Variants in DLX3 observed in about 807,000 individuals in gnomAD.
The protein encoded by DLX3 is distal-less homeobox 3, also known as homeobox protein DLX-3.
In DLX3, 9 loss-of-function variants were observed where a neutral mutation model predicts 28.0. The ratio of observed to expected loss-of-function variants is 0.32; its 90% CI spans 0.19 to 0.56. The LOEUF is 0.56. Among genes scored for constraint, DLX3 ranks in the 20% least tolerant of loss-of-function variants. The pLI, the probability that DLX3 is intolerant of heterozygous loss-of-function variation, is 0.91. For synonymous variants in DLX3, 154 were observed against 167.9 expected, an observed-to-expected ratio of 0.92 and a Z score of 0.64; for missense variants, 313 against 378.2, an observed-to-expected ratio of 0.83 and a Z score of 1.43.
Position 49,995,163 on chromosome 17 carries a change from T to G in DLX3, c.-165A>C. 1 of 828,594 alleles carries G rather than the reference T, an allele frequency of 1.2e-6. No individual in the cohort carries two copies. Among genetic ancestry groups the G allele is most frequent in the Non-Finnish European group, 1.9e-6 (1 of 517,846 alleles). The allele number at this position is 828,594 out of a possible 1,614,324, so 51.3% of individuals were successfully genotyped here. ...GGGAGGCCGAGAGGCGCTTACACCA[T>G]TGCCTGCCGTCAGGCGGTCGCTGCG... On this transcript the variant is annotated 5_prime_UTR_variant, in exon 1 of 3. An upstream start codon of the reference 5' UTR is lost. Coordinates refer to ENST00000434704, the MANE Select transcript of DLX3 (RefSeq NM_005220.3).
chr17:49,991,842 C>T lies in DLX3; in HGVS notation c.539G>A (p.Arg180His), dbSNP rs762788082. The T allele has an allele frequency of 2.4e-5, 39 of 1,613,830 alleles. No individual in the cohort carries two copies. Among genetic ancestry groups the T allele is most frequent in the South Asian group, 1.5e-4 (14 of 91,072 alleles). ...GTAGAGTTTCTTGAACTTGGAACGG[C>T]GGTTCTGGAACCAGATTTTCACCTG... ...QTQVKIWFQN[R>H]RSKFKKLYKN... is the part of the protein sequence containing the mutation. The change falls in exon 3 of 3, where the codon CGC (arginine) becomes CAC (histidine). Residue 180 changes from arginine (R) to histidine (H), a missense_variant. Arg to His is a conservative substitution (Grantham distance 29). Transcript: ENST00000434704.
At chr17:49,993,928 A>C (rs1000962689) in intron 1 of DLX3, among the ~76,000 whole-genome samples, 19 of 151,886 alleles carry the variant, frequency 1.3e-4, no homozygotes, top group African/African-American at 4.6e-4. Context: ...CCCGGCTGCT[A>C]GCCGCCCCCT....
rs777991740 is a variant in DLX3 at position 49,994,703 on chromosome 17, C to T, written c.296G>A (p.Arg99Gln). The T allele has an allele frequency of 6.2e-6, 10 of 1,613,926 alleles. No homozygotes were observed. Among genetic ancestry groups the T allele is most frequent in the Middle Eastern group, 1.6e-4 (1 of 6,084 alleles). The change falls in exon 1 of 3, where the codon CGG becomes CAG. Residue 99 changes from arginine to glutamine, a missense_variant. Around this residue, in one of 3 missense-constraint regions of DLX3, gnomAD observed 183 missense variants for 197.7 expected, o/e 0.93. Coordinates refer to ENST00000434704, the MANE Select transcript of DLX3 (RefSeq NM_005220.3). Reference protein sequence around the residue: ...GASYRQYGAYREQPLPAQDPV... With the variant: ...GASYRQYGAYQEQPLPAQDPV... ...GTCCTGGGCTGGCAGCGGCTGCTCC[C>T]GATACGCCCCGTATTGCCGGTAGGA...
chr17:49,993,237 A>G (rs1021135431), intron 2 of DLX3, among the ~76,000 whole-genome samples, 163 bp downstream of exon 2: 1 of 152,190 alleles, frequency 6.6e-6, no homozygotes, highest in Non-Finnish European at 1.5e-5. Context: ...TACACGTGCT[A>G]ACGCAGAACC....
chr17:49,991,957 C>T, intron 2 of DLX3, 93 bp from the exon 3 acceptor site: 1 of 1,260,060 alleles, frequency 7.9e-7, no homozygotes, highest in Non-Finnish European at 1.1e-6. Context: ...AAGGCCAGAA[C>T]CCAATTTCAC....
rs3744540 is a variant in DLX3, at chr17:49,991,457, C to T, written c.*60G>A. ...CTCGATGATTCCTGAGTGGCTAGGACGGAGGCGCCTTCTGCCTGGTCCTGG... is the reference window on the plus strand; with the variant it reads ...CTCGATGATTCCTGAGTGGCTAGGATGGAGGCGCCTTCTGCCTGGTCCTGG... On this transcript the variant is annotated 3_prime_UTR_variant, in exon 3 of 3. Transcript: ENST00000434704. 2.7e-4 allele frequency: 383 copies of T among 1,423,588 alleles called. 2 individuals carry two copies. In the East Asian group the frequency reaches 5.9e-3, roughly 22 times the overall value. The allele number at this position is 1,423,588 out of a possible 1,614,324, so 88.2% of individuals were successfully genotyped here.
At chr17:49,994,639 G>A (rs1001296669) in intron 1 of DLX3, 35 bp downstream of exon 1, 3 of 1,611,794 alleles carry the variant, frequency 1.9e-6, no homozygotes, top group Admixed American at 3.3e-5. Context: ...ACCTTCCAGT[G>A]TCTCCCACTG....
intron 1 of DLX3, 79 bp from the exon 2 acceptor site, chr17:49,993,669 G>A: frequency 2.6e-6 from 4 of 1,511,066 alleles, no homozygotes; most frequent in South Asian, 2.4e-5. Context: ...GGGCCCCGCC[G>A]GACGCCCCTC....
In DLX3 at chr17:49,994,756, C is replaced by G. The variant is rs1906218403; in HGVS notation, c.243G>C (p.Ser81=). ...CTCCGTAGGTATATTCCGACTTGGGCGAGTAAGCGCCCGTGCCTGCAAGCC... is the reference window on the plus strand; with the variant it reads ...CTCCGTAGGTATATTCCGACTTGGGGGAGTAAGCGCCCGTGCCTGCAAGCC... ...LNGLAGTGAY[S]PKSEYTYGAS... Residue 81 remains serine (S), a synonymous_variant, in exon 1 of 3, where the codon TCG becomes TCC. Coordinates refer to ENST00000434704, the MANE Select transcript of DLX3 (RefSeq NM_005220.3). The G allele has an allele frequency of 6.2e-7, 1 of 1,614,048 alleles. No individual in the cohort carries two copies. The highest frequency in any genetic ancestry group is 8.5e-7 in the Non-Finnish European group (1 of 1,180,036).
chr17:49,993,289 C>T (rs1906156861), intron 2 of DLX3, 111 bp downstream of exon 2: 1 of 1,190,678 alleles, frequency 8.4e-7, no homozygotes, highest in African/African-American at 1.5e-5. Flanking sequence ...ATCCCAAAGG[C>T]AAGAGTTCCA....
intron 2 of DLX3, 106 bp from the exon 3 acceptor site, chr17:49,991,970 A>G (rs986001452): frequency 6.9e-6 from 8 of 1,152,166 alleles, no homozygotes; most frequent in Non-Finnish European, 1.0e-5. Context: ...AATTTCACAT[A>G]AGAATCAGGC....
At position 49,994,658 on chromosome 17, in the gene DLX3, A is replaced by G. The variant is rs1906214508; in HGVS notation, c.325+16T>C. On this transcript the variant is annotated intron_variant, in intron 1 of 2. Coordinates refer to ENST00000434704, the MANE Select transcript of DLX3 (RefSeq NM_005220.3). The stretch of plus-strand genomic sequence containing the variant: ...TCCAGTGTCTCCCACTGTCCTCGCG[A>G]CCCCGTGGCCCTCACCTGGGTCCTG... 1 of 1,612,662 alleles carries G rather than the reference A, an allele frequency of 6.2e-7. No individual in the cohort carries two copies. The highest frequency in any genetic ancestry group is 1.7e-5 in the Admixed American group (1 of 59,910).
rs1161348847 is a variant in DLX3 at position 49,991,237 on chromosome 17, C to T, written c.*280G>A. On this transcript the variant is annotated 3_prime_UTR_variant, in exon 3 of 3. Coordinates refer to ENST00000434704, the MANE Select transcript of DLX3 (RefSeq NM_005220.3). ...GAGCCATTTAAAGCCAATCCAGGCT[C>T]CTGGAGCAGGTAGGGGAATGGCTGT... The T allele has an allele frequency of 4.5e-6, 2 of 447,870 alleles. No individual in the cohort carries two copies. The highest frequency in any genetic ancestry group is 4.7e-5 in the South Asian group (1 of 21,470). 27.7% of individuals were successfully genotyped at this position (447,870 alleles called of 1,614,324 possible). A position where few individuals can be genotyped will look rare whatever the true frequency, so the allele number is the denominator to read the frequency against.
rs1272515106 is a variant in DLX3 at position 49,990,259 on chromosome 17, A to G, written c.*1258T>C. On this transcript the variant is annotated 3_prime_UTR_variant, in exon 3 of 3. Coordinates refer to ENST00000434704, the MANE Select transcript of DLX3 (RefSeq NM_005220.3). ...CATGGCCACATAAATAGGAAACCGC[A>G]GCAGGGAGGAGGCTGCTTCTCTCTG... 4.0e-5 allele frequency: 6 copies of G among 151,828 alleles called. No homozygotes were observed. The East Asian group carries it at 9.8e-4, about 25-fold the overall frequency. 9.4% of individuals were successfully genotyped at this position (151,828 alleles called of 1,614,324 possible).
chr17:49,993,035 ACCC>A, intron 2 of DLX3, among the ~76,000 whole-genome samples: 1 of 152,116 alleles, frequency 6.6e-6, no homozygotes, highest in East Asian at 1.9e-4. Context: ...GTGCATGCAG[ACCC>A]ACACAGCATG....
At position 49,994,915 on chromosome 17, in the gene DLX3, G is replaced by C; in HGVS notation, c.84C>G (p.Asp28Glu). ...SSLSCHAGSK[D>E]SPTLPESSVT... ...CAGAAGACTCGGGCAGGGTAGGCGA[G>C]TCCTTGGAGCCCGCATGGCAGCTAA... Residue 28 changes from aspartate to glutamate, a missense_variant, in exon 1 of 3, where the codon GAC becomes GAG. Around this residue, in one of 3 missense-constraint regions of DLX3, gnomAD observed 183 missense variants for 197.7 expected, o/e 0.93. Transcript: ENST00000434704. The C allele has an allele frequency of 1.2e-6, 2 of 1,614,172 alleles. No homozygotes were observed. Among genetic ancestry groups the C allele is most frequent in the Non-Finnish European group, 1.7e-6 (2 of 1,180,048 alleles).
chr17:49,995,136 G>C lies in DLX3; in HGVS notation c.-138C>G. The C allele has an allele frequency of 9.0e-7, 1 of 1,108,860 alleles. No homozygotes were observed. Among genetic ancestry groups the C allele is most frequent in the Non-Finnish European group, 1.3e-6 (1 of 761,716 alleles). The allele number at this position is 1,108,860 out of a possible 1,614,324, so 68.7% of individuals were successfully genotyped here. On this transcript the variant is annotated 5_prime_UTR_variant, in exon 1 of 3. Coordinates refer to ENST00000434704, the MANE Select transcript of DLX3 (RefSeq NM_005220.3). ...GAGGACCCGGCCGCGTCTGGGGGGA[G>C]GGGGAGGCCGAGAGGCGCTTACACC... is the stretch of plus-strand genomic sequence containing the variant.
intron 2 of DLX3, among the ~76,000 whole-genome samples, chr17:49,992,826 A>T (rs924695129): frequency 1.4e-4 from 21 of 152,136 alleles, no homozygotes; most frequent in African/African-American, 5.1e-4. Context: ...TTGAGTCCCC[A>T]TCTCCTTCAG....
chr17:49,993,621 G>A, intron 1 of DLX3, 31 bp from the exon 2 acceptor site: 2 of 1,608,700 alleles, frequency 1.2e-6, no homozygotes, highest in East Asian at 4.5e-5. Context: ...GGAAGAGGGG[G>A]CGGTTCAGCC....
Sources: allele counts gnomAD v4.1 joint callset (sites outside exome capture counted in the v4.1 genomes callset), GRCh38; gene constraint gnomAD v4.1.1; regional missense constraint gnomAD v4.1.1; transcripts MANE v1.5; gene names NCBI Gene and HGNC (gene_info 2026-07-23, HGNC 2026-07-21).